The following ST6GALNAC5 variants were observed in gnomAD, a reference collection of about 807,000 sequenced individuals.
ST6GALNAC5 encodes alpha-N-acetylgalactosaminide alpha-2,6-sialyltransferase 5.
Under a neutral mutation model 33.6 loss-of-function variants are expected in ST6GALNAC5, and 27 were observed. The observed-to-expected ratio is 0.80, with a 90% CI of 0.59 to 1.11. ST6GALNAC5 has a LOEUF of 1.11. ST6GALNAC5 is among the 50% of genes least tolerant of loss of function. ST6GALNAC5 has a pLI of 0.00. For synonymous variants in ST6GALNAC5, 194 were observed against 171.2 expected (o/e 1.13, Z -1.04); for missense variants, 428 against 454.0 (o/e 0.94, Z 0.52).
intron 2 of ST6GALNAC5, among the ~76,000 whole-genome samples, chr1:76,999,485 G>C (rs1427463110): frequency 7.2e-6 from 1 of 138,740 alleles, no homozygotes; most frequent in Non-Finnish European, 1.6e-5. Context: ...GTTTGGGTTT[G>C]TTTTTTTTTT....
chr1:76,885,817 A>C (rs1653880180), intron 2 of ST6GALNAC5, among the ~76,000 whole-genome samples: 1 of 152,222 alleles, frequency 6.6e-6, no homozygotes, highest in African/African-American at 2.4e-5. Context: ...CTATATGCTC[A>C]GACACAGAAT....
chr1:77,025,946 C>T (rs1250640580), intron 2 of ST6GALNAC5, among the ~76,000 whole-genome samples: 2 of 152,182 alleles, frequency 1.3e-5, no homozygotes, highest in Non-Finnish European at 1.5e-5. Context: ...GGCCCAGCCT[C>T]GTCCAAGGCT....
chr1:76,877,627 T>C lies in ST6GALNAC5; in HGVS notation c.261+8885T>C, dbSNP rs532068311. 2.6e-5 allele frequency among the ~76,000 whole-genome samples: 4 copies of C among 152,374 alleles called. No homozygotes were observed. In the South Asian group the frequency reaches 8.3e-4, roughly 32 times the overall value. On this transcript the variant is annotated intron_variant, in intron 2 of 4. Transcript: ENST00000477717. The stretch of plus-strand genomic sequence containing the variant: ...GTTCCCTGAATTTTAGTTGGATTTA[T>C]TTCCGATCCTCTGGCATGCAAATGT...
In ST6GALNAC5 at chr1:76,868,484, CG is replaced by C. The variant is rs777303229; in HGVS notation, c.16-12del. ...TCAGCCGCTCTCCTCTTCTCTCTCC[CG>C]CCCGCCCGCAGCGCCATGGTCTGGC... On this transcript the variant is annotated splice_polypyrimidine_tract_variant and intron_variant, in intron 1 of 4. Transcript: ENST00000477717. The surrounding 1 kb of genome is among the most constrained non-coding windows in gnomAD (Gnocchi z 4.3). 12 of 1,596,882 alleles carry C rather than the reference CG, an allele frequency of 7.5e-6. No homozygotes were observed. The highest frequency in any genetic ancestry group is 1.7e-5 in the Admixed American group (1 of 58,870).
intron 2 of ST6GALNAC5, among the ~76,000 whole-genome samples, chr1:76,881,439 C>T (rs1653777015): frequency 6.6e-6 from 1 of 152,186 alleles, no homozygotes; most frequent in South Asian, 2.1e-4. Context: ...CAGGTTTGAT[C>T]TGAGCTGTAT....
chr1:77,013,570 T>A (rs1022374780), intron 2 of ST6GALNAC5, among the ~76,000 whole-genome samples: 4 of 152,210 alleles, frequency 2.6e-5, no homozygotes, highest in African/African-American at 9.6e-5. Flanking sequence ...AGTCTCATAT[T>A]TTCTCTGGAT....
Position 76,868,375 on chromosome 1 carries a change from G to A in ST6GALNAC5, c.16-122G>A. ...GTCCCAGTTGCGTGCGGCGGGGCTG[G>A]GGCCCAGGCCGCCCCAAATCTCCCC... On this transcript the variant is annotated intron_variant, in intron 1 of 4. Coordinates refer to ENST00000477717, the MANE Select transcript of ST6GALNAC5 (RefSeq NM_030965.3). This position sits in a 1 kb window ranked among gnomAD's most constrained non-coding sequence, Gnocchi z 4.3. The A allele has an allele frequency of 1.4e-6, 2 of 1,403,470 alleles. No homozygotes were observed. Among genetic ancestry groups the A allele is most frequent in the African/African-American group, 1.5e-5 (1 of 67,388 alleles). 86.9% of individuals were successfully genotyped at this position (1,403,470 alleles called of 1,614,324 possible). A position where few individuals can be genotyped will look rare whatever the true frequency, so the allele number is the denominator to read the frequency against.
intron 2 of ST6GALNAC5, among the ~76,000 whole-genome samples, chr1:76,907,161 T>A: frequency 6.6e-6 from 1 of 152,148 alleles, no homozygotes. Context: ...CTTCAAGCCA[T>A]CACCACGAGA....
intron 2 of ST6GALNAC5, among the ~76,000 whole-genome samples, chr1:76,913,064 T>A (rs1263921805): frequency 6.6e-6 from 1 of 152,200 alleles, no homozygotes; most frequent in Non-Finnish European, 1.5e-5. Flanking sequence ...TACCGTTTGT[T>A]CCTTTCCATG....
chr1:76,871,288 T>C (rs963062329), intron 2 of ST6GALNAC5: 2 of 152,352 alleles, frequency 1.3e-5, no homozygotes, highest in Non-Finnish European at 2.9e-5. Flanking sequence ...AATGATGGAA[T>C]ATGCTGGATG....
chr1:76,986,880 G>A (rs1190513427), intron 2 of ST6GALNAC5, among the ~76,000 whole-genome samples: 2 of 152,232 alleles, frequency 1.3e-5, no homozygotes, highest in South Asian at 2.1e-4. Flanking sequence ...ACATGGATGT[G>A]ACTGGAAACC....
chr1:76,977,878 T>A (rs1210333325), intron 2 of ST6GALNAC5, among the ~76,000 whole-genome samples: 1 of 152,196 alleles, frequency 6.6e-6, no homozygotes, highest in Non-Finnish European at 1.5e-5. Flanking sequence ...GTTCTATTTT[T>A]AATTGTTTGA....
chr1:77,009,873 G>C (rs1005060364), intron 2 of ST6GALNAC5, among the ~76,000 whole-genome samples: 2 of 152,110 alleles, frequency 1.3e-5, no homozygotes, highest in African/African-American at 4.8e-5. Context: ...TTAATAGAGT[G>C]ACCTTGATCC....
At chr1:76,974,452 C>T (rs1570726239) in intron 2 of ST6GALNAC5, among the ~76,000 whole-genome samples, 1 of 151,994 alleles carries the variant, frequency 6.6e-6, no homozygotes, top group Non-Finnish European at 1.5e-5. Flanking sequence ...ATTCTCCCAC[C>T]TTGGTCTCCC....
chr1:76,935,095 A>C (rs1647187278), intron 2 of ST6GALNAC5, among the ~76,000 whole-genome samples: 1 of 152,102 alleles, frequency 6.6e-6, no homozygotes, highest in Non-Finnish European at 1.5e-5. Flanking sequence ...GTTCTATAGT[A>C]TATTAGCCTG....
chr1:77,035,934 G>C (rs571613564), intron 2 of ST6GALNAC5, among the ~76,000 whole-genome samples: 1 of 152,198 alleles, frequency 6.6e-6, no homozygotes, highest in Non-Finnish European at 1.5e-5. Flanking sequence ...GAAAACATAT[G>C]TCCACATAAA....
chr1:76,998,752 A>T (rs933797172), intron 2 of ST6GALNAC5, among the ~76,000 whole-genome samples: 1 of 152,208 alleles, frequency 6.6e-6, no homozygotes, highest in African/African-American at 2.4e-5. Context: ...TAAAAGTTCC[A>T]TGACTAATAT....
At position 76,970,847 on chromosome 1, in the gene ST6GALNAC5, C is replaced by T. The variant is rs182063687; in HGVS notation, c.262-73357C>T. On this transcript the variant is annotated intron_variant, in intron 2 of 4. Coordinates refer to ENST00000477717, the MANE Select transcript of ST6GALNAC5 (RefSeq NM_030965.3). ...GGTCTGTTCATTTTCATTCTAATAACTCACCTTTGAATTCTTTTTGATGTG... is the reference window on the plus strand; with the variant it reads ...GGTCTGTTCATTTTCATTCTAATAATTCACCTTTGAATTCTTTTTGATGTG... Among the ~76,000 whole-genome samples the T allele has an allele frequency of 2.9e-4, 44 of 152,284 alleles. 1 individual carries two copies. Among genetic ancestry groups the T allele is most frequent in the Admixed American group, 1.4e-3 (22 of 15,298 alleles).
chr1:76,982,817 G>A (rs1051997084), intron 2 of ST6GALNAC5, among the ~76,000 whole-genome samples: 9 of 151,072 alleles, frequency 6.0e-5, no homozygotes, highest in African/African-American at 2.2e-4. Context: ...AGATCTCTCA[G>A]CGGAAAGCCT....
Sources: allele counts gnomAD v4.1 joint callset (sites outside exome capture counted in the v4.1 genomes callset), GRCh38; gene constraint gnomAD v4.1.1; non-coding constraint Gnocchi (gnomAD v3.1); transcripts MANE v1.5; gene names NCBI Gene and HGNC (gene_info 2026-07-23, HGNC 2026-07-21).